CIRSR: variants seen among roughly 807,000 people sequenced by gnomAD.
The protein encoded by CIRSR is CBF1 (RBPJ) interacting corepressor 1.
At chr2:174,355,292 A>T in the CIRSR span, among the ~76,000 whole-genome samples, 334 of 152,322 alleles carry the variant, frequency 2.2e-3, no homozygotes, top group African/African-American at 7.7e-3. Context: ...TAATAATTTC[A>T]ATTATAGCTG....
At chr2:174,357,746 C>T in the CIRSR span, among the ~76,000 whole-genome samples, 3 of 152,126 alleles carry the variant, frequency 2.0e-5, no homozygotes, top group Non-Finnish European at 2.9e-5. Context: ...TTACCATAAC[C>T]TTTCTGCTTT....
At chr2:174,380,597 G>T in the CIRSR span, 1 of 1,474,550 alleles carries the variant, frequency 6.8e-7, no homozygotes, top group Non-Finnish European at 9.4e-7. Flanking sequence ...TGGGATATCA[G>T]TAAATGTAAA....
the CIRSR span, among the ~76,000 whole-genome samples, chr2:174,369,375 T>C: frequency 9.2e-5 from 14 of 152,358 alleles, no homozygotes; most frequent in African/African-American, 3.4e-4. Flanking sequence ...TGTGGATGGT[T>C]TGAACTTCTA....
chr2:174,348,719 G>T, the CIRSR span: 1 of 1,614,126 alleles, frequency 6.2e-7, no homozygotes, highest in Non-Finnish European at 8.5e-7. Flanking sequence ...GGCTTCTGCT[G>T]CTCCCCTCCT....
the CIRSR span, chr2:174,395,659 T>C: frequency 1.2e-6 from 2 of 1,614,122 alleles, no homozygotes; most frequent in Middle Eastern, 1.6e-4. Flanking sequence ...GGGCTAGATC[T>C]GTTAGCAACG....
chr2:174,378,844 C>A, the CIRSR span: 3 of 1,061,360 alleles, frequency 2.8e-6, no homozygotes, highest in East Asian at 2.4e-5. Context: ...TAAAACAATA[C>A]CCAGAAAGAG....
chr2:174,377,718 G>A, the CIRSR span, among the ~76,000 whole-genome samples: 69 of 151,426 alleles, frequency 4.6e-4, no homozygotes, highest in East Asian at 1.6e-3. Flanking sequence ...CTAGCTACTC[G>A]GGGGGCTGAG....
the CIRSR span, among the ~76,000 whole-genome samples, chr2:174,373,498 AGTTT>A: frequency 6.6e-6 from 1 of 152,168 alleles, no homozygotes; most frequent in Non-Finnish European, 1.5e-5. Context: ...CTAAATTTTA[AGTTT>A]CTTTTTAATC....
chr2:174,358,646 T>C, the CIRSR span: 2 of 152,810 alleles, frequency 1.3e-5, no homozygotes, highest in Non-Finnish European at 2.9e-5. Flanking sequence ...AGTTAATTCA[T>C]AGCCCTACAA....
the CIRSR span, among the ~76,000 whole-genome samples, chr2:174,371,875 C>A: frequency 6.6e-6 from 1 of 152,312 alleles, no homozygotes; most frequent in Admixed American, 6.5e-5. Context: ...ATGATAACCA[C>A]ATCCACTGAA....
chr2:174,349,529 C>T, the CIRSR span, among the ~76,000 whole-genome samples: 1 of 139,920 alleles, frequency 7.1e-6, no homozygotes, highest in Non-Finnish European at 1.5e-5. Flanking sequence ...CATGCCACTG[C>T]ACTCCAGCTT....
the CIRSR span, among the ~76,000 whole-genome samples, chr2:174,376,736 C>T: frequency 1.5e-4 from 21 of 141,444 alleles, no homozygotes; most frequent in Admixed American, 2.3e-4. Flanking sequence ...AGGCGGAGCT[C>T]GCAGTGAGCC....
At chr2:174,372,571 A>G in the CIRSR span, among the ~76,000 whole-genome samples, 1 of 152,152 alleles carries the variant, frequency 6.6e-6, no homozygotes, top group Non-Finnish European at 1.5e-5. Flanking sequence ...CTCACTTAAT[A>G]TCATTTTATT....
the CIRSR span, among the ~76,000 whole-genome samples, chr2:174,391,353 G>A: frequency 6.6e-6 from 1 of 152,194 alleles, no homozygotes; most frequent in Non-Finnish European, 1.5e-5. Context: ...CTTAGGTTGG[G>A]CTGAGGTGGG....
the CIRSR span, among the ~76,000 whole-genome samples, chr2:174,362,066 G>A: frequency 6.6e-6 from 1 of 152,160 alleles, no homozygotes; most frequent in Non-Finnish European, 1.5e-5. Flanking sequence ...GGGAGGCTGA[G>A]GCCAGAGGAA....
the CIRSR span, among the ~76,000 whole-genome samples, chr2:174,374,733 A>G: frequency 1.8e-4 from 27 of 152,312 alleles, no homozygotes; most frequent in African/African-American, 6.5e-4. Context: ...CGCTAAGTAC[A>G]TGGCTTCTCA....
the CIRSR span, among the ~76,000 whole-genome samples, chr2:174,351,279 AG>A: frequency 6.6e-6 from 1 of 152,188 alleles, no homozygotes; most frequent in Non-Finnish European, 1.5e-5. Context: ...TACAATTTTT[AG>A]GAGTTTTTAC....
chr2:174,376,545 C>T, the CIRSR span, among the ~76,000 whole-genome samples: 1 of 146,992 alleles, frequency 6.8e-6, no homozygotes, highest in Admixed American at 6.8e-5. Context: ...CATCTGTAAT[C>T]CCAGGACTTT....
the CIRSR span, among the ~76,000 whole-genome samples, chr2:174,355,887 G>A: frequency 6.6e-6 from 1 of 152,202 alleles, no homozygotes; most frequent in Non-Finnish European, 1.5e-5. Context: ...AATGGCATAG[G>A]AGGGAGACTA....
Sources: gnomAD v4.1 joint callset for allele counts (sites outside exome capture counted in the v4.1 genomes callset) on GRCh38, gnomAD v4.1.1 for gene constraint, MANE v1.5 for transcripts, NCBI Gene and HGNC (gene_info 2026-07-23, HGNC 2026-07-21) for gene names.